ERCC3: variants seen among roughly 807,000 people sequenced by gnomAD.
ERCC3 encodes general transcription and DNA repair factor IIH helicase/translocase subunit XPB.
ERCC3 carries 66 observed loss-of-function variants against 94.2 expected under a neutral mutation model. The ratio of observed to expected loss-of-function variants is 0.70; its 90% CI spans 0.57 to 0.86. ERCC3 has a LOEUF of 0.86. Ranked by LOEUF, ERCC3 falls within the 40% of genes least tolerant of loss-of-function variation. The probability of loss-of-function intolerance (pLI) is 0.00; values close to 1 mark genes in which losing one functional copy is unlikely to be tolerated. For missense variants in ERCC3, 829 were observed against 987.1 expected (o/e 0.84, Z 2.15); for synonymous variants, 349 against 369.1 (o/e 0.95, Z 0.63).
rs1416722586 is a variant in ERCC3, at chr2:127,274,715, A to T, written c.1731-1754T>A. 1.3e-5 allele frequency among the ~76,000 whole-genome samples: 2 copies of T among 152,224 alleles called. No individual in the cohort carries two copies. Among genetic ancestry groups the T allele is most frequent in the Non-Finnish European group, 2.9e-5 (2 of 68,046 alleles). On this transcript the variant is annotated intron_variant, in intron 10 of 14. Coordinates refer to ENST00000285398, the MANE Select transcript of ERCC3 (RefSeq NM_000122.2). The surrounding 1 kb of genome is among the most constrained non-coding windows in gnomAD (Gnocchi z 4.0). ...GGTTAGAAGCCCCACTCGTCAGAAC[A>T]GCCTGACTCTTGAGACCCAGGTTTT...
chr2:127,276,734 G>C (rs1684744613), intron 10 of ERCC3, among the ~76,000 whole-genome samples: 1 of 151,734 alleles, frequency 6.6e-6, no homozygotes, highest in South Asian at 2.1e-4. Context: ...CGAGTTTCCA[G>C]ATGGAAAGGA....
chr2:127,285,397 T>C (rs1685033427), intron 8 of ERCC3, among the ~76,000 whole-genome samples: 1 of 152,106 alleles, frequency 6.6e-6, no homozygotes, highest in African/African-American at 2.4e-5. Context: ...CTTTCTCTAC[T>C]AAAAATACAA....
intron 12 of ERCC3, among the ~76,000 whole-genome samples, chr2:127,263,151 T>C (rs1383849511): frequency 1.3e-5 from 2 of 152,248 alleles, no homozygotes; most frequent in South Asian, 2.1e-4. Flanking sequence ...GGTGCTTTTG[T>C]GGTTCCAGAT....
intron 7 of ERCC3, 60 bp downstream of exon 7, chr2:127,288,600 G>A (rs1266906423): frequency 2.2e-5 from 31 of 1,401,498 alleles, no homozygotes; most frequent in Admixed American, 3.3e-5. Context: ...GAAAGCGGGA[G>A]GCAGCTGGCA....
Position 127,289,780 on chromosome 2 carries a change from A to G in ERCC3, c.566T>C (p.Leu189Pro). The change falls in exon 5 of 15, where the codon CTC becomes CCC. Residue 189 changes from leucine (L) to proline (P), a missense_variant. Physicochemically the swap from Leu to Pro is moderately conservative, Grantham distance 98. Coordinates refer to ENST00000285398, the MANE Select transcript of ERCC3 (RefSeq NM_000122.2). ...GCATTCTCGGATCACGGGGTCCTGG[A>G]GAAGATGCTGGATTACATCAGGGTG... The part of the protein sequence containing the change: ...SCHPDVIQHL[L>P]QDPVIRECRL... The G allele has an allele frequency of 6.2e-7, 1 of 1,614,050 alleles. No individual in the cohort carries two copies. The highest frequency in any genetic ancestry group is 8.5e-7 in the Non-Finnish European group (1 of 1,179,990).
In ERCC3 at chr2:127,279,490, A is replaced by T; in HGVS notation, c.1528-115T>A. 1 of 821,548 alleles carries T rather than the reference A, an allele frequency of 1.2e-6. No homozygotes were observed. The highest frequency in any genetic ancestry group is 2.1e-6 in the Non-Finnish European group (1 of 482,206). 50.9% of individuals were successfully genotyped at this position (821,548 alleles called of 1,614,324 possible). ...CTTTAAAACAAAACCAGTCAGGTGC[A>T]GTGGCTCATGCCTGTAATGCCAGCA... On this transcript the variant is annotated intron_variant, in intron 9 of 14. Coordinates refer to ENST00000285398, the MANE Select transcript of ERCC3 (RefSeq NM_000122.2). This position sits in a 1 kb window ranked among gnomAD's most constrained non-coding sequence, Gnocchi z 4.7.
Position 127,261,238 on chromosome 2 carries a change from TA to T in ERCC3, c.2053del (p.Tyr685IlefsTer5), listed in dbSNP as rs775187800. 2 of 1,602,680 alleles carry T rather than the reference TA, an allele frequency of 1.2e-6. No individual in the cohort carries two copies. The highest frequency in any genetic ancestry group is 1.7e-6 in the Non-Finnish European group (2 of 1,169,490). Reference protein sequence around the residue: ...KRQRFLVDQGYSFKVITKLAG... With the variant: ...KRQRFLVDQGXSFKVITKLAG... ...CAAATGGATATGTACCTTGAAGCTA[TA>T]ACCTTGATCTACCAAGAATCTCTGC... On this transcript the variant is annotated frameshift_variant, in exon 13 of 15. Transcript: ENST00000285398. LOFTEE classifies it high-confidence loss of function.
chr2:127,273,432 T>G (rs1335085905), intron 10 of ERCC3, among the ~76,000 whole-genome samples: 1 of 152,122 alleles, frequency 6.6e-6, no homozygotes, highest in Non-Finnish European at 1.5e-5. Flanking sequence ...CCCATAACAC[T>G]AAGTTTTAAA....
Position 127,291,061 on chromosome 2 carries a change from G to A in ERCC3, c.472-788C>T, listed in dbSNP as rs566059427. Among the ~76,000 whole-genome samples, 10 of 152,006 alleles carry A rather than the reference G, an allele frequency of 6.6e-5. No individual in the cohort carries two copies. The highest frequency in any genetic ancestry group is 1.3e-4 in the Non-Finnish European group (9 of 67,982). Reference sequence around the variant, plus strand: ...CATGCCACTGCTATCCAGCCTGGGCGACAGAGCAAGACTCCGTCTCAAAAA... The same window carrying A: ...CATGCCACTGCTATCCAGCCTGGGCAACAGAGCAAGACTCCGTCTCAAAAA... On this transcript the variant is annotated intron_variant, in intron 3 of 14. Transcript: ENST00000285398. The surrounding 1 kb of genome is among the most constrained non-coding windows in gnomAD (Gnocchi z 4.9).
At chr2:127,262,077 A>G (rs1008300843) in intron 12 of ERCC3, 9 of 152,936 alleles carry the variant, frequency 5.9e-5, no homozygotes, top group African/African-American at 2.2e-4. Context: ...GAAACAGCCC[A>G]AATGTCCATC....
chr2:127,294,127 C>T lies in ERCC3; in HGVS notation c.-46G>A. On this transcript the variant is annotated 5_prime_UTR_variant, in exon 1 of 15. Transcript: ENST00000285398. ...GAAGATGACCCCGCTCCCACAGGCC[C>T]GCCGCGGCATCCGCTCTGGGGGGAC... is the stretch of plus-strand genomic sequence containing the variant. 6.3e-7 allele frequency: 1 copy of T among 1,597,580 alleles called. No individual in the cohort carries two copies. Among genetic ancestry groups the T allele is most frequent in the Non-Finnish European group, 8.5e-7 (1 of 1,175,734 alleles).
intron 3 of ERCC3, chr2:127,292,297 C>G: frequency 4.4e-6 from 2 of 457,602 alleles, no homozygotes; most frequent in Admixed American, 3.4e-5. Flanking sequence ...CAAATTCTCC[C>G]TGGCTACAAT....
chr2:127,287,952 T>C (rs2104773170), intron 7 of ERCC3, among the ~76,000 whole-genome samples: 1 of 152,132 alleles, frequency 6.6e-6, no homozygotes, highest in East Asian at 1.9e-4. Flanking sequence ...TTACCAGGAA[T>C]AAACGTAAAT....
At chr2:127,288,156 A>T (rs1226617574) in intron 7 of ERCC3, among the ~76,000 whole-genome samples, 2 of 152,128 alleles carry the variant, frequency 1.3e-5, no homozygotes, top group East Asian at 1.9e-4. Context: ...TAAGTGGTCA[A>T]ACAGGTGCCC....
chr2:127,278,892 C>G (rs928971168), intron 10 of ERCC3, among the ~76,000 whole-genome samples: 1 of 151,600 alleles, frequency 6.6e-6, no homozygotes, highest in African/African-American at 2.4e-5. Context: ...CTTTGGAGCC[C>G]AGATCTTCCA....
At chr2:127,273,665 C>T (rs1201017660) in intron 10 of ERCC3, among the ~76,000 whole-genome samples, 1 of 140,156 alleles carries the variant, frequency 7.1e-6, no homozygotes, top group African/African-American at 2.6e-5. Context: ...AGGAGAATCA[C>T]TTGAACCGGG....
rs1246310404 is a variant in ERCC3, at chr2:127,274,755, C to A, written c.1731-1794G>T. 6.6e-6 allele frequency among the ~76,000 whole-genome samples: 1 copy of A among 152,200 alleles called. No homozygotes were observed. The highest frequency in any genetic ancestry group is 2.4e-5 in the African/African-American group (1 of 41,450). On this transcript the variant is annotated intron_variant, in intron 10 of 14. Transcript: ENST00000285398. The surrounding 1 kb of genome is among the most constrained non-coding windows in gnomAD (Gnocchi z 4.0). Reference sequence around the variant, plus strand: ...ACCCAGGTTTTTAGGTGGTTTTCTCCTCCCCCATCACCAGGAAAAACTACT... The same window carrying A: ...ACCCAGGTTTTTAGGTGGTTTTCTCATCCCCCATCACCAGGAAAAACTACT...
At chr2:127,278,488 A>T (rs759815499) in intron 10 of ERCC3, among the ~76,000 whole-genome samples, 1 of 152,148 alleles carries the variant, frequency 6.6e-6, no homozygotes, top group Non-Finnish European at 1.5e-5. Flanking sequence ...ATAAAATGGG[A>T]ACAACATTTT....
intron 12 of ERCC3, chr2:127,262,157 T>G (rs1423125684): frequency 6.6e-6 from 1 of 152,334 alleles, no homozygotes; most frequent in Non-Finnish European, 1.5e-5. Context: ...TAAAAAAGAA[T>G]GAAGTACTGA....
Sources: gnomAD v4.1 joint callset for allele counts (sites outside exome capture counted in the v4.1 genomes callset) on GRCh38, gnomAD v4.1.1 for gene constraint, Gnocchi (gnomAD v3.1) non-coding constraint, MANE v1.5 for transcripts, NCBI Gene and HGNC (gene_info 2026-07-23, HGNC 2026-07-21) for gene names.